The following PPP1R21 variants were observed in gnomAD, a reference collection of about 807,000 sequenced individuals.
PPP1R21 encodes KLRAQ motif containing 1.
Under a neutral mutation model 112.8 loss-of-function variants are expected in PPP1R21, and 85 were observed. That is an observed-to-expected ratio of 0.75 (90% confidence interval 0.63 to 0.90). PPP1R21 has a LOEUF of 0.90. PPP1R21 is among the 40% of genes least tolerant of loss of function. The pLI, the probability that PPP1R21 is intolerant of heterozygous loss-of-function variation, is 0.00. For missense variants in PPP1R21, 1,199 were observed against 901.5 expected (o/e 1.33, Z -4.23); for synonymous variants, 381 against 322.3 (o/e 1.18, Z -1.95).
At chr2:48,495,453 C>T (rs919640665) in intron 15 of PPP1R21, among the ~76,000 whole-genome samples, 22 of 152,154 alleles carry the variant, frequency 1.4e-4, no homozygotes, top group Admixed American at 5.2e-4. Context: ...CCGCTCGCCT[C>T]GACCTCCCAA....
Position 48,451,065 on chromosome 2 carries a change from G to C in PPP1R21, c.115G>C (p.Ala39Pro). 1 of 1,613,444 alleles carries C rather than the reference G, an allele frequency of 6.2e-7. No individual in the cohort carries two copies. The highest frequency in any genetic ancestry group is 8.5e-7 in the Non-Finnish European group (1 of 1,179,446). Residue 39 changes from alanine to proline, a missense_variant, in exon 2 of 22, where the codon GCA becomes CCA. By Grantham distance (27) the Ala-to-Pro change is conservative. Transcript: ENST00000294952. ...TGTTGTGGATGAACAAGCAAATTCT[G>C]CAGCTTTAAAGGTGGGCAACAGGAT... Reference protein sequence around the residue: ...KGVVDEQANSAALKEQLKMKD... With the variant: ...KGVVDEQANSPALKEQLKMKD...
chr2:48,486,822 C>T, intron 14 of PPP1R21, 64 bp downstream of exon 14: 5 of 1,533,708 alleles, frequency 3.3e-6, no homozygotes, highest in Non-Finnish European at 3.5e-6. Flanking sequence ...TTCTGAGGGA[C>T]ATAGGAAAAT....
intron 9 of PPP1R21, among the ~76,000 whole-genome samples, chr2:48,467,604 C>G (rs1197926334): frequency 6.6e-6 from 1 of 152,202 alleles, no homozygotes; most frequent in African/African-American, 2.4e-5. Context: ...TTCTTATTGC[C>G]TGGCTCTTTG....
intron 2 of PPP1R21, among the ~76,000 whole-genome samples, chr2:48,454,263 A>AAAATAAATAAATAAAT (rs369243414): frequency 2.0e-5 from 3 of 151,286 alleles, no homozygotes; most frequent in Non-Finnish European, 4.4e-5. Context: ...TCTGTCTCAA[A>AAAATAAATAAATAAAT]AAATAAATAA....
intron 7 of PPP1R21, among the ~76,000 whole-genome samples, chr2:48,463,259 G>A (rs992313444): frequency 6.6e-6 from 1 of 152,180 alleles, no homozygotes; most frequent in Non-Finnish European, 1.5e-5. Context: ...TGATCAGGAG[G>A]CAGAGGGGAG....
At chr2:48,462,113 C>G (rs1043525299) in intron 7 of PPP1R21, among the ~76,000 whole-genome samples, 2 of 152,166 alleles carry the variant, frequency 1.3e-5, no homozygotes, top group African/African-American at 2.4e-5. Flanking sequence ...TAAGCCTTGT[C>G]TCAATCATTA....
chr2:48,490,378 G>C (rs1669509708), intron 14 of PPP1R21, among the ~76,000 whole-genome samples: 1 of 152,136 alleles, frequency 6.6e-6, no homozygotes. Context: ...TACTTGTTGA[G>C]ATACAAAACC....
intron 21 of PPP1R21, among the ~76,000 whole-genome samples, chr2:48,512,670 G>T (rs1385353134): frequency 6.6e-6 from 1 of 152,154 alleles, no homozygotes; most frequent in African/African-American, 2.4e-5. Context: ...ACATAGTTTC[G>T]TGATATTCAT....
At position 48,510,083 on chromosome 2, in the gene PPP1R21, A is replaced by G; in HGVS notation, c.2154A>G (p.Lys718=). The G allele has an allele frequency of 6.2e-7, 1 of 1,614,056 alleles. No homozygotes were observed. Among genetic ancestry groups the G allele is most frequent in the Non-Finnish European group, 8.5e-7 (1 of 1,179,940 alleles). Residue 718 remains lysine, a synonymous_variant, in exon 20 of 22, where the codon AAA becomes AAG. Coordinates refer to ENST00000294952, the MANE Select transcript of PPP1R21 (RefSeq NM_001135629.3). The part of the protein sequence containing the change: ...KSKEALTEEM[K]LASQNISRLQ... ...AGGAAGCATTGACAGAAGAAATGAA[A>G]CTTGCCAGTCAGAACATCAGCAGAC...
intron 4 of PPP1R21, 122 bp downstream of exon 4, chr2:48,458,349 T>C: frequency 1.7e-6 from 1 of 588,458 alleles, no homozygotes. Flanking sequence ...TCTATGGTCT[T>C]CAAGTATATA....
intron 1 of PPP1R21, among the ~76,000 whole-genome samples, chr2:48,449,050 T>C (rs188852221): frequency 1.3e-5 from 2 of 151,276 alleles, no homozygotes; most frequent in East Asian, 3.9e-4. Flanking sequence ...CAGGAAATAC[T>C]AGTATTGCTA....
chr2:48,491,058 C>G lies in PPP1R21; in HGVS notation c.1487C>G (p.Ala496Gly), dbSNP rs775219788. 6.2e-7 allele frequency: 1 copy of G among 1,614,004 alleles called. No homozygotes were observed. The highest frequency in any genetic ancestry group is 8.5e-7 in the Non-Finnish European group (1 of 1,179,874). ...FFSNNLDYFIASLSYGPKAAS... is the reference protein window; with the variant it reads ...FFSNNLDYFIGSLSYGPKAAS... Reference sequence around the variant, plus strand: ...AGCAACAATTTGGACTACTTCATTGCTTCACTGAGCTATGGACCTAAGGCA... The same window carrying G: ...AGCAACAATTTGGACTACTTCATTGGTTCACTGAGCTATGGACCTAAGGCA... The change falls in exon 15 of 22, where the codon GCT becomes GGT. Residue 496 changes from alanine (A) to glycine (G), a missense_variant. Transcript: ENST00000294952.
At chr2:48,486,458 C>G (rs541662191) in intron 13 of PPP1R21, among the ~76,000 whole-genome samples, 173 bp from the exon 14 acceptor site, 1 of 152,138 alleles carries the variant, frequency 6.6e-6, no homozygotes, top group Non-Finnish European at 1.5e-5. Context: ...CTGTTCTTTC[C>G]ATGTAGATTT....
At chr2:48,479,880 C>G in intron 12 of PPP1R21, 44 bp from the exon 13 acceptor site, 1 of 1,192,586 alleles carries the variant, frequency 8.4e-7, no homozygotes, top group Non-Finnish European at 1.3e-6. Flanking sequence ...ATGGGCAGTC[C>G]ATTTTTCAGG....
chr2:48,483,234 T>G (rs1669113644), intron 13 of PPP1R21, among the ~76,000 whole-genome samples: 1 of 115,630 alleles, frequency 8.6e-6, no homozygotes, highest in Non-Finnish European at 1.7e-5. Context: ...CAAGTCTCAC[T>G]CTGTCACCCA....
intron 1 of PPP1R21, chr2:48,441,276 A>G: frequency 1.9e-6 from 1 of 534,866 alleles, no homozygotes; most frequent in Non-Finnish European, 3.4e-6. Context: ...CGGGCTTGGG[A>G]CTGGGATGTC....
intron 17 of PPP1R21, among the ~76,000 whole-genome samples, chr2:48,500,774 C>T (rs888195106): frequency 2.6e-5 from 4 of 151,950 alleles, no homozygotes; most frequent in East Asian, 3.9e-4. Context: ...CCAGGCGTGG[C>T]GGCCTGCGCC....
chr2:48,451,206 A>G (rs1413758544), intron 2 of PPP1R21, 130 bp downstream of exon 2: 29 of 690,738 alleles, frequency 4.2e-5, no homozygotes, highest in Admixed American at 2.8e-4. Flanking sequence ...GGACAGTAAT[A>G]CAGTCTTTTG....
chr2:48,474,642 C>G lies in PPP1R21; in HGVS notation c.1089-41C>G, dbSNP rs375119354. The G allele has an allele frequency of 5.1e-6, 8 of 1,563,696 alleles. No individual in the cohort carries two copies. The South Asian group carries it at 8.4e-5, about 16-fold the overall frequency. ...TGGCTGCTAGTAGCTAATTGAAAAT[C>G]GTTTGGGATGCTCACTTCTTAAAAA... On this transcript the variant is annotated intron_variant, in intron 11 of 21. Coordinates refer to ENST00000294952, the MANE Select transcript of PPP1R21 (RefSeq NM_001135629.3).
Sources: gnomAD v4.1 joint callset for allele counts (sites outside exome capture counted in the v4.1 genomes callset) on GRCh38, gnomAD v4.1.1 for gene constraint, MANE v1.5 for transcripts, NCBI Gene and HGNC (gene_info 2026-07-23, HGNC 2026-07-21) for gene names.